Variants in CNTN4 observed in about 807,000 individuals in gnomAD.
The protein encoded by CNTN4 is contactin 4, also known as contactin-4.
Under a neutral mutation model 122.5 loss-of-function variants are expected in CNTN4, and 77 were observed. That is an observed-to-expected ratio of 0.63 (90% CI 0.52 to 0.76). The LOEUF (loss-of-function observed/expected upper bound fraction) is 0.76, where lower values mean the gene tolerates loss of function less well. CNTN4 is among the 30% of genes least tolerant of loss of function. The pLI is 0.00. For missense variants in CNTN4, 1,256 were observed against 1,259.1 expected (o/e 1.00, Z 0.04); for synonymous variants, 512 against 447.0 (o/e 1.15, Z -1.83).
intron 4 of CNTN4, among the ~76,000 whole-genome samples, chr3:2,621,646 T>TA (rs891078949): frequency 2.0e-5 from 3 of 151,844 alleles, no homozygotes; most frequent in Non-Finnish European, 2.9e-5. Context: ...TAAAGTATAA[T>TA]AAAAAAATTA....
intron 3 of CNTN4, among the ~76,000 whole-genome samples, chr3:2,527,407 G>A (rs1191603400): frequency 2.3e-5 from 3 of 132,088 alleles, no homozygotes; most frequent in African/African-American, 8.2e-5. Context: ...AGGGAACAAT[G>A]TATGCTGCTG....
At chr3:2,104,825 A>G (rs1459130573) in intron 2 of CNTN4, among the ~76,000 whole-genome samples, 1 of 152,220 alleles carries the variant, frequency 6.6e-6, no homozygotes, top group East Asian at 1.9e-4. Flanking sequence ...AAAATCAGCT[A>G]ATTCTCTAGG....
At chr3:2,732,661 G>A (rs943722800) in intron 4 of CNTN4, among the ~76,000 whole-genome samples, 1 of 152,040 alleles carries the variant, frequency 6.6e-6, no homozygotes. Flanking sequence ...ATCTCAGAAC[G>A]CCTCTCTCAG....
chr3:2,933,008 G>A (rs1367033080), intron 13 of CNTN4, among the ~76,000 whole-genome samples: 1 of 151,934 alleles, frequency 6.6e-6, no homozygotes, highest in African/African-American at 2.4e-5. Flanking sequence ...ATTTTTAGTA[G>A]AGACGAAGTT....
intron 3 of CNTN4, among the ~76,000 whole-genome samples, chr3:2,432,606 G>GTGTGTGTA (rs2048115530): frequency 6.6e-6 from 1 of 151,710 alleles, no homozygotes; most frequent in African/African-American, 2.4e-5. Context: ...GTGTGTGTGC[G>GTGTGTGTA]TGTGTGTATG....
chr3:2,461,092 A>G (rs1346654250), intron 3 of CNTN4, among the ~76,000 whole-genome samples: 1 of 152,110 alleles, frequency 6.6e-6, no homozygotes, highest in Non-Finnish European at 1.5e-5. Context: ...CACCTTACCC[A>G]TATTCCAAGG....
chr3:2,166,153 A>G (rs534890730), intron 2 of CNTN4, among the ~76,000 whole-genome samples: 31 of 152,250 alleles, frequency 2.0e-4, no homozygotes, highest in African/African-American at 7.5e-4. Flanking sequence ...TATATTCATT[A>G]TAATGCATAA....
chr3:2,583,090 GA>G (rs1395662175), intron 4 of CNTN4, among the ~76,000 whole-genome samples: 1 of 152,094 alleles, frequency 6.6e-6, no homozygotes, highest in Non-Finnish European at 1.5e-5. Context: ...ATCTATACCA[GA>G]AAAAAACTAA....
chr3:2,937,497 T>C (rs540365887), intron 13 of CNTN4, among the ~76,000 whole-genome samples: 49 of 152,304 alleles, frequency 3.2e-4, no homozygotes, highest in Middle Eastern at 6.8e-3. Context: ...TGGTTGAGGA[T>C]CCATGGTTTT....
At chr3:2,626,234 A>G (rs186318876) in intron 4 of CNTN4, among the ~76,000 whole-genome samples, 113 of 152,262 alleles carry the variant, frequency 7.4e-4, no homozygotes, top group African/African-American at 2.6e-3. Flanking sequence ...TGTGTCTTCT[A>G]TCTTAAAAAT....
At chr3:2,708,358 A>T (rs1302471796) in intron 4 of CNTN4, among the ~76,000 whole-genome samples, 1 of 152,220 alleles carries the variant, frequency 6.6e-6, no homozygotes, top group Non-Finnish European at 1.5e-5. Context: ...ATACGACTTA[A>T]AAGGTAACCC....
chr3:2,469,707 CA>C (rs1370973306), intron 3 of CNTN4, among the ~76,000 whole-genome samples: 9 of 152,134 alleles, frequency 5.9e-5, no homozygotes, highest in Admixed American at 2.6e-4. Flanking sequence ...TGTGTCAGTA[CA>C]AAAACAGGCC....
At chr3:2,925,094 T>A (rs1056833015) in intron 12 of CNTN4, among the ~76,000 whole-genome samples, 1 of 152,242 alleles carries the variant, frequency 6.6e-6, no homozygotes, top group Admixed American at 6.5e-5. Context: ...TTGATCTTCA[T>A]GGTGGTGTAT....
At chr3:3,003,690 A>G (rs1310619480) in intron 14 of CNTN4, among the ~76,000 whole-genome samples, 75 of 135,756 alleles carry the variant, frequency 5.5e-4, no homozygotes, top group South Asian at 1.9e-3. Flanking sequence ...GCACCAAAAA[A>G]AAAAAAAAAA....
At chr3:2,954,412 A>G (rs1279848633) in intron 13 of CNTN4, among the ~76,000 whole-genome samples, 1 of 152,162 alleles carries the variant, frequency 6.6e-6, no homozygotes, top group African/African-American at 2.4e-5. Context: ...CTTTTTCCAC[A>G]TATTAAATTG....
intron 4 of CNTN4, among the ~76,000 whole-genome samples, chr3:2,699,759 C>T (rs2086258443): frequency 6.6e-6 from 1 of 152,146 alleles, no homozygotes; most frequent in Admixed American, 6.5e-5. Context: ...AAACCTTGGA[C>T]ACTGAATCAT....
At chr3:2,581,607 GA>G (rs2079940261) in intron 4 of CNTN4, among the ~76,000 whole-genome samples, 1 of 152,092 alleles carries the variant, frequency 6.6e-6, no homozygotes, top group African/African-American at 2.4e-5. Flanking sequence ...CTTGTATTTA[GA>G]AAAAACAGTG....
chr3:2,844,801 T>C (rs1216404250), intron 7 of CNTN4, among the ~76,000 whole-genome samples: 1 of 152,236 alleles, frequency 6.6e-6, no homozygotes, highest in African/African-American at 2.4e-5. Flanking sequence ...TAAAGCATTA[T>C]AGAGGCTCTC....
intron 15 of CNTN4, 151 bp from the exon 16 acceptor site, chr3:3,030,704 C>A: frequency 1.1e-6 from 1 of 915,992 alleles, no homozygotes; most frequent in African/African-American, 1.6e-5. Context: ...CTCAGGCAGG[C>A]TCACATATTT....
Sources: gnomAD v4.1 joint callset for allele counts (sites outside exome capture counted in the v4.1 genomes callset) on GRCh38, gnomAD v4.1.1 for gene constraint, MANE v1.5 for transcripts, NCBI Gene and HGNC (gene_info 2026-07-23, HGNC 2026-07-21) for gene names.